The following OLFM3 variants were observed in gnomAD, a reference collection of about 807,000 sequenced individuals.
OLFM3 encodes the protein olfactomedin 3, also known as noelin-3.
In OLFM3, 20 loss-of-function variants were observed where a neutral mutation model predicts 48.6. The observed-to-expected ratio is 0.41, with a 90% CI of 0.29 to 0.60. OLFM3 has a LOEUF of 0.60. OLFM3 is among the 20% of genes least tolerant of loss of function. OLFM3 has a pLI of 0.28. For missense variants in OLFM3, 437 were observed against 544.3 expected (o/e 0.80, Z 1.96); for synonymous variants, 222 against 198.1 (o/e 1.12, Z -1.01).
chr1:101,827,215 A>G (rs1372926723), intron 3 of OLFM3, among the ~76,000 whole-genome samples: 1 of 152,230 alleles, frequency 6.6e-6, no homozygotes, highest in Admixed American at 6.5e-5. Context: ...AAGAATGTCA[A>G]TCTCAAGTAT....
At chr1:101,872,823 T>G (rs1657135096) in intron 1 of OLFM3, among the ~76,000 whole-genome samples, 1 of 151,970 alleles carries the variant, frequency 6.6e-6, no homozygotes, top group African/African-American at 2.4e-5. Flanking sequence ...TCATTTTTGC[T>G]TCTGTAGAAA....
At chr1:101,921,630 C>A (rs1659097909) in intron 1 of OLFM3, among the ~76,000 whole-genome samples, 1 of 152,112 alleles carries the variant, frequency 6.6e-6, no homozygotes, top group Non-Finnish European at 1.5e-5. Context: ...AGGGGTAAAT[C>A]TTTTACCTAA....
intron 1 of OLFM3, among the ~76,000 whole-genome samples, chr1:101,878,149 G>A (rs1402653409): frequency 6.6e-6 from 1 of 151,852 alleles, no homozygotes; most frequent in Non-Finnish European, 1.5e-5. Context: ...TCTTTGGAGA[G>A]ACCCAAAGCT....
At chr1:101,856,673 A>G (rs749632146) in intron 1 of OLFM3, among the ~76,000 whole-genome samples, 1 of 152,042 alleles carries the variant, frequency 6.6e-6, no homozygotes, top group Non-Finnish European at 1.5e-5. Context: ...AAACATAAAC[A>G]GAAGTATGTT....
intron 1 of OLFM3, among the ~76,000 whole-genome samples, chr1:101,928,202 G>A (rs1480280393): frequency 6.6e-6 from 1 of 152,104 alleles, no homozygotes; most frequent in Non-Finnish European, 1.5e-5. Context: ...GTTAGACTAG[G>A]ATAATACATC....
chr1:101,825,077 G>T lies in OLFM3; in HGVS notation c.541C>A (p.Gln181Lys), dbSNP rs1348736566. 2 of 1,614,074 alleles carry T rather than the reference G, an allele frequency of 1.2e-6. No individual in the cohort carries two copies. The highest frequency in any genetic ancestry group is 1.7e-6 in the Non-Finnish European group (2 of 1,179,960). Residue 181 changes from glutamine to lysine, a missense_variant, in exon 4 of 6, where the codon CAA becomes AAA. This residue lies in a region of OLFM3 where 314 missense variants were observed against 365.5 expected (regional missense o/e 0.86). Transcript: ENST00000370103. ...CTTGTTTCCAAGCTCAGCACTCTTT[G>T]GTGTAGTTCCTCGTAGTCATAGGCA... ...IGAYDYEELH[Q>K]RVLSLETRLR...
At chr1:101,980,081 A>G (rs1570686100) in intron 1 of OLFM3, among the ~76,000 whole-genome samples, 1 of 152,196 alleles carries the variant, frequency 6.6e-6, no homozygotes. Context: ...CCCATTTGGA[A>G]TGGGAGAATT....
chr1:101,972,895 C>T (rs1004648991), intron 1 of OLFM3, among the ~76,000 whole-genome samples: 1 of 152,166 alleles, frequency 6.6e-6, no homozygotes, highest in African/African-American at 2.4e-5. Flanking sequence ...TCAATTCCTT[C>T]CACAACCACT....
chr1:101,827,271 AC>A (rs1291043935), intron 3 of OLFM3, among the ~76,000 whole-genome samples: 8 of 152,172 alleles, frequency 5.3e-5, no homozygotes, highest in Non-Finnish European at 7.3e-5. Context: ...AGAAGACAAA[AC>A]CTACTTAACA....
rs1030796160 is a variant in OLFM3, at chr1:101,956,080, T to A, written c.69+40668A>T. Among the ~76,000 whole-genome samples the A allele has an allele frequency of 2.4e-5, 3 of 125,090 alleles. No homozygotes were observed. In the South Asian group the frequency reaches 7.7e-4, roughly 32 times the overall value. 82.1% of individuals were successfully genotyped at this position (125,090 alleles called of 152,430 possible). A position where few individuals can be genotyped will look rare whatever the true frequency, so the allele number is the denominator to read the frequency against. On this transcript the variant is annotated intron_variant, in intron 1 of 5. Coordinates refer to ENST00000370103, the MANE Select transcript of OLFM3 (RefSeq NM_058170.4). The stretch of plus-strand genomic sequence containing the variant: ...TCTGTCATATCTCAATTCAACACAA[T>A]AACAGGTTTTTTTTTTTTTTTTTAA...
intron 1 of OLFM3, among the ~76,000 whole-genome samples, chr1:101,910,310 CA>C (rs1557726830): frequency 6.6e-6 from 1 of 151,836 alleles, no homozygotes; most frequent in African/African-American, 2.4e-5. Flanking sequence ...ACTAAAAATA[CA>C]AAAAATTAGC....
chr1:101,838,064 G>A (rs1257485941), intron 1 of OLFM3, among the ~76,000 whole-genome samples: 4 of 151,818 alleles, frequency 2.6e-5, no homozygotes, highest in African/African-American at 7.3e-5. Flanking sequence ...GGAGTGCAGG[G>A]GTGAGATCAC....
chr1:101,892,697 T>C (rs1658051031), intron 1 of OLFM3, among the ~76,000 whole-genome samples: 1 of 152,030 alleles, frequency 6.6e-6, no homozygotes. Flanking sequence ...AAAATTTGCA[T>C]TGAATTCAAA....
At chr1:101,864,913 C>G (rs1656798136) in intron 1 of OLFM3, among the ~76,000 whole-genome samples, 1 of 152,208 alleles carries the variant, frequency 6.6e-6, no homozygotes, top group African/African-American at 2.4e-5. Context: ...CTACCACAAA[C>G]AGAGGCCCAT....
intron 1 of OLFM3, among the ~76,000 whole-genome samples, chr1:101,871,995 T>A (rs1005718492): frequency 6.6e-6 from 1 of 152,020 alleles, no homozygotes; most frequent in African/African-American, 2.4e-5. Context: ...GAGTTAAAGA[T>A]TTATGAAATA....
In OLFM3 at chr1:101,915,985, A is replaced by G. The variant is rs987817207; in HGVS notation, c.70-78960T>C. ...ACTCTGCGAGGTAAAAAGGACTAGTATTATTATCCCCATTGTATATATGGG... is the reference window on the plus strand; with the variant it reads ...ACTCTGCGAGGTAAAAAGGACTAGTGTTATTATCCCCATTGTATATATGGG... On this transcript the variant is annotated intron_variant, in intron 1 of 5. Coordinates refer to ENST00000370103, the MANE Select transcript of OLFM3 (RefSeq NM_058170.4). Among the ~76,000 whole-genome samples, 22 of 152,206 alleles carry G rather than the reference A, an allele frequency of 1.4e-4. No homozygotes were observed. The East Asian group carries it at 3.7e-3, about 25-fold the overall frequency.
chr1:101,993,125 C>A (rs1005610939), intron 1 of OLFM3, among the ~76,000 whole-genome samples: 5 of 152,096 alleles, frequency 3.3e-5, no homozygotes, highest in Non-Finnish European at 4.4e-5. Context: ...GGCCATGTCA[C>A]CTCTTTTTAA....
intron 1 of OLFM3, among the ~76,000 whole-genome samples, chr1:101,932,503 T>C (rs567519885): frequency 3.3e-5 from 5 of 152,244 alleles, no homozygotes; most frequent in South Asian, 2.1e-4. Context: ...CACAGGGCTA[T>C]TGAACACTGG....
chr1:101,834,006 G>T (rs1655286081), intron 2 of OLFM3, among the ~76,000 whole-genome samples: 1 of 152,176 alleles, frequency 6.6e-6, no homozygotes, highest in African/African-American at 2.4e-5. Context: ...AAGCTACATA[G>T]TTAACAAACA....
Sources: gnomAD v4.1 joint callset for allele counts (sites outside exome capture counted in the v4.1 genomes callset) on GRCh38, gnomAD v4.1.1 for gene constraint, gnomAD v4.1.1 regional missense constraint, MANE v1.5 for transcripts, NCBI Gene and HGNC (gene_info 2026-07-23, HGNC 2026-07-21) for gene names.